The following SPAG17 variants were observed in gnomAD, a reference collection of about 807,000 sequenced individuals.
SPAG17 encodes sperm associated antigen 17, also known as sperm-associated antigen 17.
In SPAG17, 169 loss-of-function variants were observed where a neutral mutation model predicts 273.6. That is an observed-to-expected ratio of 0.62 (90% CI 0.55 to 0.70). The LOEUF is 0.70. Among genes scored for constraint, SPAG17 ranks in the 30% least tolerant of loss-of-function variants. The probability of loss-of-function intolerance (pLI) is 0.00; values close to 1 mark genes in which losing one functional copy is unlikely to be tolerated. For missense variants in SPAG17, 2,557 were observed against 2,627.8 expected, an observed-to-expected ratio of 0.97 and a Z score of 0.59; for synonymous variants, 825 against 873.2, an observed-to-expected ratio of 0.94 and a Z score of 0.97.
chr1:118,114,174 C>A (rs1025031017), intron 4 of SPAG17, among the ~76,000 whole-genome samples: 1 of 152,046 alleles, frequency 6.6e-6, no homozygotes, highest in African/African-American at 2.4e-5. Context: ...GTCTTAATTA[C>A]CCTGAGTATT....
chr1:118,157,498 C>A (rs1241657178), intron 1 of SPAG17, among the ~76,000 whole-genome samples: 3 of 152,134 alleles, frequency 2.0e-5, no homozygotes, highest in Non-Finnish European at 4.4e-5. Flanking sequence ...CACTCCAGGG[C>A]TCTCCTTTCC....
At chr1:118,134,668 C>T (rs1658240719) in intron 3 of SPAG17, among the ~76,000 whole-genome samples, 1 of 152,158 alleles carries the variant, frequency 6.6e-6, no homozygotes, top group South Asian at 2.1e-4. Flanking sequence ...ATAAACCATA[C>T]ACTCCTTAGC....
chr1:118,001,098 G>A (rs1409005654), intron 32 of SPAG17, among the ~76,000 whole-genome samples: 1 of 152,102 alleles, frequency 6.6e-6, no homozygotes, highest in Admixed American at 6.6e-5. Context: ...TTTTGTTGTT[G>A]GTTCTGTTTA....
chr1:117,973,606 C>G (rs1463169763), intron 43 of SPAG17, 45 bp from the exon 44 acceptor site: 2 of 1,580,756 alleles, frequency 1.3e-6, no homozygotes, highest in East Asian at 4.5e-5. Flanking sequence ...ACATTTTATT[C>G]AAACACATTT....
intron 21 of SPAG17, 36 bp downstream of exon 21, chr1:118,041,767 C>T (rs1233682516): frequency 6.3e-7 from 1 of 1,590,072 alleles, no homozygotes; most frequent in Non-Finnish European, 8.5e-7. Context: ...TTAGGAATAG[C>T]CCAAAGAGAC....
chr1:118,145,667 T>G (rs1173858235), intron 3 of SPAG17, among the ~76,000 whole-genome samples: 1 of 152,062 alleles, frequency 6.6e-6, no homozygotes, highest in Non-Finnish European at 1.5e-5. Context: ...AAAAAGTTAT[T>G]TTAAAAATTA....
intron 7 of SPAG17, among the ~76,000 whole-genome samples, chr1:118,097,211 C>T (rs979806863): frequency 1.4e-5 from 2 of 142,290 alleles, no homozygotes; most frequent in Non-Finnish European, 3.0e-5. Flanking sequence ...GCCTGGGCAA[C>T]AGAGCAAGAC....
intron 43 of SPAG17, among the ~76,000 whole-genome samples, chr1:117,979,528 T>C (rs1218542753): frequency 6.6e-6 from 1 of 152,148 alleles, no homozygotes; most frequent in African/African-American, 2.4e-5. Context: ...TTGCTTGCTC[T>C]TTTTCTCACT....
At chr1:118,012,120 C>G (rs896316526) in intron 30 of SPAG17, 108 bp downstream of exon 30, 3 of 1,152,478 alleles carry the variant, frequency 2.6e-6, no homozygotes, top group Non-Finnish European at 3.6e-6. Flanking sequence ...CTAACTTTAC[C>G]AAAAAATTAT....
intron 30 of SPAG17, 117 bp from the exon 31 acceptor site, chr1:118,008,315 C>T: frequency 8.3e-7 from 1 of 1,200,954 alleles, no homozygotes; most frequent in Non-Finnish European, 1.2e-6. Flanking sequence ...GGAAAAAACA[C>T]AATTGTAAAG....
At chr1:118,147,284 G>C (rs563269765) in intron 3 of SPAG17, among the ~76,000 whole-genome samples, 1 of 152,104 alleles carries the variant, frequency 6.6e-6, no homozygotes, top group East Asian at 1.9e-4. Flanking sequence ...GTTAATATTC[G>C]GTAAAACCGG....
chr1:117,953,827 A>C lies in SPAG17; in HGVS notation c.*223T>G. 1.6e-6 allele frequency: 1 copy of C among 615,778 alleles called. No individual in the cohort carries two copies. 38.1% of individuals were successfully genotyped at this position (615,778 alleles called of 1,614,324 possible). A position where few individuals can be genotyped will look rare whatever the true frequency, so the allele number is the denominator to read the frequency against. ...ATGACACTCAGTCTCTTCCCTGTAC[A>C]TTAAAAAATAAGAAAACCAAAAATG... On this transcript the variant is annotated 3_prime_UTR_variant, in exon 49 of 49. Transcript: ENST00000336338.
intron 3 of SPAG17, among the ~76,000 whole-genome samples, chr1:118,131,527 A>T (rs1658051439): frequency 6.6e-6 from 1 of 152,180 alleles, no homozygotes; most frequent in African/African-American, 2.4e-5. Context: ...CCCAATTAAA[A>T]AGTAAGTCCT....
At chr1:118,046,264 G>T (rs991759738) in intron 20 of SPAG17, among the ~76,000 whole-genome samples, 2 of 152,020 alleles carry the variant, frequency 1.3e-5, no homozygotes, top group Non-Finnish European at 2.9e-5. Flanking sequence ...TTGAGCCCAG[G>T]AATTTGAGGC....
At chr1:118,082,248 C>T (rs1334590162) in intron 13 of SPAG17, among the ~76,000 whole-genome samples, 2 of 152,158 alleles carry the variant, frequency 1.3e-5, no homozygotes, top group Non-Finnish European at 2.9e-5. Context: ...ACGTATTAGG[C>T]TTTGTCACAG....
At chr1:118,138,103 T>G (rs1658461040) in intron 3 of SPAG17, among the ~76,000 whole-genome samples, 1 of 152,194 alleles carries the variant, frequency 6.6e-6, no homozygotes, top group Non-Finnish European at 1.5e-5. Context: ...ATCATGACCC[T>G]TTTGGCTGGA....
At chr1:117,985,053 C>T (rs542792730) in intron 40 of SPAG17, among the ~76,000 whole-genome samples, 1 of 152,250 alleles carries the variant, frequency 6.6e-6, no homozygotes, top group East Asian at 1.9e-4. Flanking sequence ...TAGTTGATCT[C>T]AAAAGGCTAA....
intron 29 of SPAG17, among the ~76,000 whole-genome samples, chr1:118,013,428 T>C (rs893776234): frequency 7.2e-5 from 11 of 152,186 alleles, no homozygotes; most frequent in African/African-American, 2.7e-4. Flanking sequence ...GCCAGGAATG[T>C]ATACTAAGAA....
chr1:117,966,369 CA>C (rs935874294), intron 47 of SPAG17: 1 of 356,056 alleles, frequency 2.8e-6, no homozygotes, highest in Non-Finnish European at 5.0e-6. Flanking sequence ...CGTAGATAGC[CA>C]ATAACATTTA....
Sources: allele counts gnomAD v4.1 joint callset (sites outside exome capture counted in the v4.1 genomes callset), GRCh38; gene constraint gnomAD v4.1.1; transcripts MANE v1.5; gene names NCBI Gene and HGNC (gene_info 2026-07-23, HGNC 2026-07-21).